The following SUPT6H variants were observed in gnomAD, a reference collection of about 807,000 sequenced individuals.
SUPT6H encodes transcription elongation factor SPT6.
In SUPT6H, 11 loss-of-function variants were observed where a neutral mutation model predicts 222.3. The observed-to-expected ratio is 0.05, with a 90% CI of 0.03 to 0.08. The LOEUF (loss-of-function observed/expected upper bound fraction) is 0.08. Among genes scored for constraint, SUPT6H ranks in the 10% least tolerant of loss-of-function variants. The probability of loss-of-function intolerance (pLI) is 1.00; values close to 1 mark genes in which losing one functional copy is unlikely to be tolerated. For missense variants in SUPT6H, 1,422 were observed against 2,216.0 expected, an observed-to-expected ratio of 0.64 and a Z score of 7.19; for synonymous variants, 762 against 801.2, an observed-to-expected ratio of 0.95 and a Z score of 0.83.
At chr17:28,693,371 G>C (rs1337880242) in intron 27 of SUPT6H, among the ~76,000 whole-genome samples, 4 of 151,810 alleles carry the variant, frequency 2.6e-5, no homozygotes, top group Non-Finnish European at 5.9e-5. Context: ...TGAGGCACGA[G>C]AATCGGCTTG....
At chr17:28,676,458 T>C (rs1202850580) in intron 7 of SUPT6H, 28 bp downstream of exon 7, 3 of 1,611,438 alleles carry the variant, frequency 1.9e-6, no homozygotes, top group Middle Eastern at 1.7e-4. Flanking sequence ...TCTGCTCTTC[T>C]ACCAATCCAT....
chr17:28,664,223 T>G (rs924585931), intron 1 of SUPT6H, among the ~76,000 whole-genome samples: 5 of 152,182 alleles, frequency 3.3e-5, no homozygotes, highest in Non-Finnish European at 7.3e-5. Flanking sequence ...GTCTAAATGC[T>G]GGGGCTGGTC....
At position 28,689,552 on chromosome 17, in the gene SUPT6H, G is replaced by A; in HGVS notation, c.3333G>A (p.Leu1111=). The A allele has an allele frequency of 6.2e-7, 1 of 1,614,072 alleles. No individual in the cohort carries two copies. Among genetic ancestry groups the A allele is most frequent in the Non-Finnish European group, 8.5e-7 (1 of 1,180,028 alleles). The change falls in exon 25 of 37, where the codon CTG becomes CTA. Residue 1111 remains leucine, a synonymous_variant. Transcript: ENST00000314616. ...DLDLDAFAEE[L]ERQGYGDKHI... Reference sequence around the variant, plus strand: ...ACCTTGATGCCTTTGCAGAAGAGCTGGAGAGGCAGGTAAGGGACAGCATGG... The same window carrying A: ...ACCTTGATGCCTTTGCAGAAGAGCTAGAGAGGCAGGTAAGGGACAGCATGG...
chr17:28,687,883 ACAT>A (rs2031468418), intron 23 of SUPT6H, among the ~76,000 whole-genome samples: 1 of 151,852 alleles, frequency 6.6e-6, no homozygotes, highest in African/African-American at 2.4e-5. Context: ...TGTAGGTATA[ACAT>A]CATTTATTTG....
intron 35 of SUPT6H, 197 bp from the exon 36 acceptor site, chr17:28,700,744 G>A (rs2032097835): frequency 2.1e-6 from 2 of 930,396 alleles, no homozygotes; most frequent in Admixed American, 5.2e-5. Flanking sequence ...CCAGAAAGTT[G>A]ACATGGTCAG....
chr17:28,696,560 C>T (rs981442572), intron 29 of SUPT6H, among the ~76,000 whole-genome samples: 3 of 136,370 alleles, frequency 2.2e-5, no homozygotes, highest in East Asian at 4.3e-4. Flanking sequence ...TGCACTACAA[C>T]GTGGGTGACA....
intron 27 of SUPT6H, 40 bp downstream of exon 27, chr17:28,691,103 G>A (rs763890134): frequency 4.4e-6 from 7 of 1,596,266 alleles, no homozygotes; most frequent in Non-Finnish European, 6.0e-6. Context: ...GGATTTCCTT[G>A]GTTGAATGAT....
chr17:28,674,306 C>G lies in SUPT6H; in HGVS notation c.133C>G (p.Leu45Val). The change falls in exon 3 of 37, where the codon CTA becomes GTA. Residue 45 changes from leucine (L) to valine (V), a missense_variant. Leu to Val is a conservative substitution (Grantham distance 32, BLOSUM62 1). This residue lies in a region of SUPT6H where 89 missense variants were observed against 118.9 expected (regional missense o/e 0.75). Transcript: ENST00000314616. ...AGATGAGGAGGAGGAGGAGGAGAACCTAGATGATCAGGATGAGCAAGGCAA... is the reference window on the plus strand; with the variant it reads ...AGATGAGGAGGAGGAGGAGGAGAACGTAGATGATCAGGATGAGCAAGGCAA... ...DDDEEEEEENLDDQDEQGNLK... is the reference protein window; with the variant it reads ...DDDEEEEEENVDDQDEQGNLK... 1 of 1,614,000 alleles carries G rather than the reference C, an allele frequency of 6.2e-7. No individual in the cohort carries two copies. The highest frequency in any genetic ancestry group is 1.7e-5 in the Admixed American group (1 of 60,010).
intron 9 of SUPT6H, 76 bp downstream of exon 9, chr17:28,678,268 G>A: frequency 7.5e-7 from 1 of 1,330,134 alleles, no homozygotes; most frequent in South Asian, 1.2e-5. Context: ...TTACCTAAAT[G>A]AGGTGGGAGC....
At chr17:28,667,908 A>T (rs1249837503) in intron 1 of SUPT6H, among the ~76,000 whole-genome samples, 1 of 143,152 alleles carries the variant, frequency 7.0e-6, no homozygotes, top group Non-Finnish European at 1.5e-5. Context: ...GCTTGACTCT[A>T]AAAAAAAAAA....
chr17:28,688,065 T>TGGCTCAGTCCAGCTCTCTCCCCC lies in SUPT6H; in HGVS notation c.3007-25_3007-3dup, dbSNP rs753832310. On this transcript the variant is annotated intron_variant, in intron 23 of 36. Coordinates refer to ENST00000314616, the MANE Select transcript of SUPT6H (RefSeq NM_003170.5). The surrounding 1 kb of genome is among the most constrained non-coding windows in gnomAD (Gnocchi z 4.3). ...GGGAGGTGGGGCCTGCTTACTGCCC[T>TGGCTCAGTCCAGCTCTCTCCCCC]GGCTCAGTCCAGCTCTCTCCCCCAG... is the stretch of plus-strand genomic sequence containing the variant. The TGGCTCAGTCCAGCTCTCTCCCCC allele has an allele frequency of 1.9e-6, 3 of 1,588,340 alleles. No homozygotes were observed. The highest frequency in any genetic ancestry group is 1.7e-4 in the Middle Eastern group (1 of 5,972).
chr17:28,691,423 G>C (rs764199304), intron 27 of SUPT6H: 2 of 195,530 alleles, frequency 1.0e-5, no homozygotes, highest in Admixed American at 5.3e-5. Flanking sequence ...CTACTCGAGA[G>C]GCTGAGGCAG....
intron 23 of SUPT6H, among the ~76,000 whole-genome samples, chr17:28,687,800 G>A (rs2031462655): frequency 6.6e-6 from 1 of 152,172 alleles, no homozygotes; most frequent in Non-Finnish European, 1.5e-5. Flanking sequence ...TTACAGGCAT[G>A]AGCCACTGCG....
chr17:28,678,394 G>A, intron 9 of SUPT6H, 151 bp from the exon 10 acceptor site: 1 of 868,240 alleles, frequency 1.2e-6, no homozygotes. Flanking sequence ...ATTGAGGAAA[G>A]CACCAGGCCC....
At chr17:28,700,772 G>A in intron 35 of SUPT6H, 169 bp from the exon 36 acceptor site, 2 of 958,592 alleles carry the variant, frequency 2.1e-6, no homozygotes, top group Non-Finnish European at 3.1e-6. Context: ...GGGCACCACT[G>A]TGTGCTCGGT....
Position 28,686,384 on chromosome 17 carries a change from C to G in SUPT6H, c.2533C>G (p.Pro845Ala). Residue 845 changes from proline to alanine, a missense_variant, in exon 20 of 37, where the codon CCT becomes GCT. Coordinates refer to ENST00000314616, the MANE Select transcript of SUPT6H (RefSeq NM_003170.5). ...AAAGAAATTTCTCCTGAATAAGAAG[C>G]CTCATGTAGTGACAGTTGCAGGAGA... is the stretch of plus-strand genomic sequence containing the variant. ...TLKKFLLNKK[P>A]HVVTVAGENR... The G allele has an allele frequency of 6.2e-7, 1 of 1,614,218 alleles. No homozygotes were observed. Among genetic ancestry groups the G allele is most frequent in the Non-Finnish European group, 8.5e-7 (1 of 1,180,040 alleles).
Position 28,675,174 on chromosome 17 carries a change from T to C in SUPT6H, c.538+12T>C, listed in dbSNP as rs1347836131. 1.3e-6 allele frequency: 2 copies of C among 1,597,192 alleles called. No homozygotes were observed. The highest frequency in any genetic ancestry group is 2.2e-5 in the East Asian group (1 of 44,726). On this transcript the variant is annotated intron_variant, in intron 5 of 36. Coordinates refer to ENST00000314616, the MANE Select transcript of SUPT6H (RefSeq NM_003170.5). ...TGATGAGGAGTCAGGTATGTTATAT[T>C]GGGCAGGGAAGCCAGTGTTTGGATG...
intron 1 of SUPT6H, chr17:28,670,499 G>A (rs2030348881): frequency 1.3e-5 from 2 of 152,122 alleles, no homozygotes; most frequent in Admixed American, 1.3e-4. Context: ...TTCTCTTCCT[G>A]TGCCTGTTCT....
chr17:28,672,027 G>C (rs1222607449), intron 1 of SUPT6H, among the ~76,000 whole-genome samples: 1 of 152,190 alleles, frequency 6.6e-6, no homozygotes, highest in Non-Finnish European at 1.5e-5. Flanking sequence ...CCTGCAAGGG[G>C]AGTAAATGAT....
Sources: allele counts gnomAD v4.1 joint callset (sites outside exome capture counted in the v4.1 genomes callset), GRCh38; gene constraint gnomAD v4.1.1; regional missense constraint gnomAD v4.1.1; non-coding constraint Gnocchi (gnomAD v3.1); transcripts MANE v1.5; gene names NCBI Gene and HGNC (gene_info 2026-07-23, HGNC 2026-07-21).